Variants in EXD3 observed in about 807,000 individuals in gnomAD.
EXD3 encodes exonuclease 3'-5' domain containing 3, also known as exonuclease mut-7 homolog.
A neutral mutation model predicts 98.0 loss-of-function variants in EXD3; 92 were observed. The ratio of observed to expected loss-of-function variants is 0.94; its 90% CI spans 0.79 to 1.12. EXD3 has a LOEUF of 1.12. EXD3 is among the 50% of genes most tolerant of loss of function. The pLI is 0.00. For missense variants in EXD3, 1,222 were observed against 1,191.6 expected (o/e 1.03, Z -0.38); for synonymous variants, 569 against 526.0 (o/e 1.08, Z -1.12).
At chr9:137,372,189 G>A (rs1189068766) in intron 5 of EXD3, among the ~76,000 whole-genome samples, 3 of 152,192 alleles carry the variant, frequency 2.0e-5, no homozygotes, top group Admixed American at 6.5e-5. Flanking sequence ...GAAAGGGACC[G>A]AAGCCACCTC....
At chr9:137,328,513 A>C (rs1211400198) in intron 17 of EXD3, among the ~76,000 whole-genome samples, 1 of 151,764 alleles carries the variant, frequency 6.6e-6, no homozygotes, top group Non-Finnish European at 1.5e-5. Context: ...ACTGGTAAAT[A>C]AAGTAAATAT....
rs1564508887 is a variant in EXD3 at position 137,355,621 on chromosome 9, GGGAGGATGGAGGAA to G, written c.757+633_757+646del. On this transcript the variant is annotated intron_variant, in intron 8 of 21. Transcript: ENST00000340951. ...GGAAGGAGAAAGGAGGAAGGAGGAA[GGGAGGATGGAGGAA>G]GGAGGAAGGAGGAAGGAGGAAGGAG... Among the ~76,000 whole-genome samples, 26 of 3,832 alleles carry G rather than the reference GGGAGGATGGAGGAA, an allele frequency of 6.8e-3. 1 individual carries two copies. Among genetic ancestry groups the G allele is most frequent in the Middle Eastern group, 0.17 (1 of 6 alleles). The allele number at this position is 3,832 out of a possible 152,430, so 2.5% of individuals were successfully genotyped here.
At chr9:137,417,415 G>A (rs776528346) in intron 1 of EXD3, among the ~76,000 whole-genome samples, 7 of 152,316 alleles carry the variant, frequency 4.6e-5, no homozygotes, top group East Asian at 1.9e-4. Flanking sequence ...CGGGTTCCGC[G>A]GCGCGGAGGC....
In EXD3 at chr9:137,388,722, C is replaced by T. The variant is rs117865223; in HGVS notation, c.56-5345G>A. ...CACAAAGCCCCCGAGTGGGTCTCCC[C>T]GGCAGCTGGCTCTCCTCTTGGGGCC... On this transcript the variant is annotated intron_variant, in intron 2 of 21. Transcript: ENST00000340951. Among the ~76,000 whole-genome samples, 803 of 152,254 alleles carry T rather than the reference C, an allele frequency of 5.3e-3. 2 individuals are homozygous for T. The highest frequency in any genetic ancestry group is 7.5e-3 in the African/African-American group (311 of 41,562).
rs1834165633 is a variant in EXD3 at position 137,349,842 on chromosome 9, C to G, written c.1495-311G>C. 6.6e-6 allele frequency among the ~76,000 whole-genome samples: 1 copy of G among 152,092 alleles called. No individual in the cohort carries two copies. The highest frequency in any genetic ancestry group is 1.5e-5 in the Non-Finnish European group (1 of 68,004). On this transcript the variant is annotated intron_variant, in intron 14 of 21. Coordinates refer to ENST00000340951, the MANE Select transcript of EXD3 (RefSeq NM_017820.5). The surrounding 1 kb of genome is among the most constrained non-coding windows in gnomAD (Gnocchi z 7.4). ...TGAGTCTGTGTGGCCAGCTCTCTGT[C>G]TCTGTTTTATCTTCAGAAGAGGAGC...
At chr9:137,409,914 C>T (rs1410455125) in intron 1 of EXD3, among the ~76,000 whole-genome samples, 1 of 152,028 alleles carries the variant, frequency 6.6e-6, no homozygotes, top group Non-Finnish European at 1.5e-5. Flanking sequence ...CGGTGGCTCA[C>T]GCCCGTAATC....
intron 19 of EXD3, among the ~76,000 whole-genome samples, chr9:137,315,701 G>A (rs1301460603): frequency 6.6e-5 from 10 of 152,102 alleles, no homozygotes; most frequent in Non-Finnish European, 1.3e-4. Context: ...AAAAATGACC[G>A]TTTTCTGAGA....
At chr9:137,322,404 C>T (rs1379646936) in intron 19 of EXD3, among the ~76,000 whole-genome samples, 2 of 150,514 alleles carry the variant, frequency 1.3e-5, no homozygotes, top group Non-Finnish European at 3.0e-5. Flanking sequence ...CAACATCTCA[C>T]CCCAGACCCA....
chr9:137,405,947 C>T lies in EXD3; in HGVS notation c.-47-10543G>A, dbSNP rs911839776. Among the ~76,000 whole-genome samples, 19 of 152,158 alleles carry T rather than the reference C, an allele frequency of 1.2e-4. No homozygotes were observed. Among genetic ancestry groups the T allele is most frequent in the African/African-American group, 2.4e-4 (10 of 41,448 alleles). On this transcript the variant is annotated intron_variant, in intron 1 of 21. Coordinates refer to ENST00000340951, the MANE Select transcript of EXD3 (RefSeq NM_017820.5). The surrounding 1 kb of genome is among the most constrained non-coding windows in gnomAD (Gnocchi z 4.1). ...AATAAAACGTGAAACTGGCTGGGCA[C>T]GGTGGCTCACGCCTGTAATCCCAGC...
intron 3 of EXD3, chr9:137,374,425 C>T (rs1272672252): frequency 5.1e-6 from 2 of 395,634 alleles, no homozygotes; most frequent in Admixed American, 6.4e-5. Flanking sequence ...GCGTGGGCCG[C>T]GCTGTTCTCG....
chr9:137,412,065 C>A (rs972643110), intron 1 of EXD3, among the ~76,000 whole-genome samples: 1 of 152,200 alleles, frequency 6.6e-6, no homozygotes, highest in South Asian at 2.1e-4. Context: ...CCCACAGAGC[C>A]GGCCTTACTG....
chr9:137,371,041 C>T lies in EXD3; in HGVS notation c.462+1864G>A, dbSNP rs907643190. On this transcript the variant is annotated intron_variant, in intron 5 of 21. Coordinates refer to ENST00000340951, the MANE Select transcript of EXD3 (RefSeq NM_017820.5). The surrounding 1 kb of genome is among the most constrained non-coding windows in gnomAD (Gnocchi z 8.0). ...AGTGGAGCATGCATCGCCTGCCGGG[C>T]GGCCCCGCTCGGGGACAATGGCTTT... Among the ~76,000 whole-genome samples, 1 of 152,172 alleles carries T rather than the reference C, an allele frequency of 6.6e-6. No homozygotes were observed. Among genetic ancestry groups the T allele is most frequent in the African/African-American group, 2.4e-5 (1 of 41,454 alleles).
intron 19 of EXD3, among the ~76,000 whole-genome samples, chr9:137,310,979 C>A (rs936515369): frequency 6.6e-6 from 1 of 152,230 alleles, no homozygotes; most frequent in African/African-American, 2.4e-5. Context: ...GGCCTCGAGG[C>A]CCCTGGAGCC....
At chr9:137,312,399 G>A (rs909226812) in intron 19 of EXD3, among the ~76,000 whole-genome samples, 2 of 152,224 alleles carry the variant, frequency 1.3e-5, no homozygotes, top group African/African-American at 4.8e-5. Context: ...CTCAGCCACT[G>A]GGTGCCAACA....
chr9:137,380,342 CA>C (rs1355956208), intron 3 of EXD3, among the ~76,000 whole-genome samples: 3 of 112,008 alleles, frequency 2.7e-5, no homozygotes, highest in Non-Finnish European at 5.6e-5. Context: ...TATCCCCCCC[CA>C]CCCCAACCCC....
chr9:137,404,393 G>A (rs1588430411), intron 1 of EXD3, among the ~76,000 whole-genome samples: 1 of 152,300 alleles, frequency 6.6e-6, no homozygotes, highest in East Asian at 1.9e-4. Context: ...TCTCCCAGAT[G>A]AGAAAACTGA....
intron 17 of EXD3, among the ~76,000 whole-genome samples, chr9:137,329,628 T>C (rs1203445194): frequency 6.4e-5 from 2 of 31,368 alleles, no homozygotes; most frequent in African/African-American, 1.9e-4. Context: ...TACACGGGAC[T>C]ACACGGGACT....
intron 9 of EXD3, 58 bp from the exon 10 acceptor site, chr9:137,354,435 C>T: frequency 6.2e-7 from 1 of 1,609,528 alleles, no homozygotes. Context: ...TGTATCGGGG[C>T]CTGGTGGGAG....
At chr9:137,386,389 G>A (rs1836592314) in intron 2 of EXD3, among the ~76,000 whole-genome samples, 1 of 152,000 alleles carries the variant, frequency 6.6e-6, no homozygotes, top group Admixed American at 6.5e-5. Context: ...GGTGATGCCG[G>A]CCCTCCTACT....
Sources: allele counts gnomAD v4.1 joint callset (sites outside exome capture counted in the v4.1 genomes callset), GRCh38; gene constraint gnomAD v4.1.1; non-coding constraint Gnocchi (gnomAD v3.1); transcripts MANE v1.5; gene names NCBI Gene and HGNC (gene_info 2026-07-23, HGNC 2026-07-21).